LCN9: variants seen among roughly 807,000 people sequenced by gnomAD.
LCN9 encodes epididymal-specific lipocalin-9.
LCN9 carries 22 observed loss-of-function variants against 18.5 expected under a neutral mutation model. The ratio of observed to expected loss-of-function variants is 1.19; its 90% CI spans 0.85 to 1.70. The LOEUF (loss-of-function observed/expected upper bound fraction) is 1.70. Ranked by LOEUF, LCN9 falls within the 40% of genes most tolerant of loss-of-function variation. The probability of loss-of-function intolerance (pLI) is 0.00; values close to 1 mark genes in which losing one functional copy is unlikely to be tolerated. For missense variants in LCN9, 202 were observed against 201.3 expected (o/e 1.00, Z -0.02); for synonymous variants, 89 against 83.0 (o/e 1.07, Z -0.39).
rs1834172805 is a variant in LCN9, at chr9:135,664,041, G to A, written c.97-121G>A. ...GAGACCTGGGGGCACTGGAAGGGCG[G>A]AGGGGTTCTGGTTGGGAGCCAGATG... On this transcript the variant is annotated intron_variant, in intron 1 of 5. Coordinates refer to ENST00000619315, the Ensembl canonical transcript of LCN9. The surrounding 1 kb of genome is among the most constrained non-coding windows in gnomAD (Gnocchi z 4.5). 9.6e-7 allele frequency: 1 copy of A among 1,042,114 alleles called. No homozygotes were observed. Among genetic ancestry groups the A allele is most frequent in the South Asian group, 1.6e-5 (1 of 62,158 alleles). 64.6% of individuals were successfully genotyped at this position (1,042,114 alleles called of 1,614,324 possible).
chr9:135,666,380 C>T (rs1262592260), exon 6 of LCN9: 2 of 478,730 alleles, frequency 4.2e-6, no homozygotes, highest in African/African-American at 2.0e-5. Context: ...TCTAAGGACA[C>T]TTGTCATTGG....
Position 135,664,376 on chromosome 9 carries a change from A to T in LCN9, c.233+78A>T. ...CCAACGCATACTCTCACTCTTGCAC[A>T]CACACGCTCGCACACTCACTGACTT... On this transcript the variant is annotated intron_variant, in intron 2 of 5. Coordinates refer to ENST00000619315, the Ensembl canonical transcript of LCN9. This position sits in a 1 kb window ranked among gnomAD's most constrained non-coding sequence, Gnocchi z 4.5. The T allele has an allele frequency of 1.9e-6, 3 of 1,556,604 alleles. No individual in the cohort carries two copies. Among genetic ancestry groups the T allele is most frequent in the Non-Finnish European group, 2.6e-6 (3 of 1,135,986 alleles).
At chr9:135,666,335 C>T in exon 6 of LCN9, 1 of 577,638 alleles carries the variant, frequency 1.7e-6, no homozygotes, top group South Asian at 2.1e-5. Flanking sequence ...GTCACTCCAG[C>T]CTCTGCCTCT....
In LCN9 at chr9:135,665,486, C is replaced by A; in HGVS notation, c.418+131C>A. ...AGGTGGTTCCCGTTGGCTATTCCTT[C>A]CCACAGACACACCGTTAGGGTGCTG... On this transcript the variant is annotated intron_variant, in intron 4 of 5. Coordinates refer to ENST00000619315, the Ensembl canonical transcript of LCN9. The surrounding 1 kb of genome is among the most constrained non-coding windows in gnomAD (Gnocchi z 5.9). 1 of 842,302 alleles carries A rather than the reference C, an allele frequency of 1.2e-6. No individual in the cohort carries two copies. The highest frequency in any genetic ancestry group is 1.9e-6 in the Non-Finnish European group (1 of 521,842). The allele number at this position is 842,302 out of a possible 1,614,324, so 52.2% of individuals were successfully genotyped here.
rs774154708 is a variant in LCN9, at chr9:135,664,302, C to G, written c.233+4C>G. On this transcript the variant is annotated splice_donor_region_variant and intron_variant, in intron 2 of 5. Transcript: ENST00000619315. The surrounding 1 kb of genome is among the most constrained non-coding windows in gnomAD (Gnocchi z 4.5). Reference sequence around the variant, plus strand: ...TAATATTTGATTTCGAATACATGTGCGTGTTGCCCATCTCAGCTGGCATCA... The same window carrying G: ...TAATATTTGATTTCGAATACATGTGGGTGTTGCCCATCTCAGCTGGCATCA... 5.0e-6 allele frequency: 8 copies of G among 1,613,688 alleles called. No individual in the cohort carries two copies. Among genetic ancestry groups the G allele is most frequent in the Non-Finnish European group, 6.8e-6 (8 of 1,179,776 alleles).
At chr9:135,663,494 C>A in intron 1 of LCN9, 77 bp downstream of exon 1, 2 of 1,362,542 alleles carry the variant, frequency 1.5e-6, no homozygotes, top group Non-Finnish European at 2.1e-6. Flanking sequence ...GGGTCTCTGA[C>A]CTGTGACCAG....
chr9:135,663,429 T>G lies in LCN9; in HGVS notation c.96+12T>G. On this transcript the variant is annotated intron_variant, in intron 1 of 5. Coordinates refer to ENST00000619315, the Ensembl canonical transcript of LCN9. ...ACAACGTGGCCAGGGTGTGTCTGCG[T>G]TGGGGTCTGTGGGGAAGGGGCCAGG... 6.2e-7 allele frequency: 1 copy of G among 1,611,936 alleles called. No individual in the cohort carries two copies. The highest frequency in any genetic ancestry group is 8.5e-7 in the Non-Finnish European group (1 of 1,178,224).
chr9:135,664,046 GT>G lies in LCN9; in HGVS notation c.97-114del. The G allele has an allele frequency of 4.4e-6, 5 of 1,130,024 alleles. No homozygotes were observed. The highest frequency in any genetic ancestry group is 6.3e-6 in the Non-Finnish European group (5 of 799,056). 70.0% of individuals were successfully genotyped at this position (1,130,024 alleles called of 1,614,324 possible). A position where few individuals can be genotyped will look rare whatever the true frequency, so the allele number is the denominator to read the frequency against. On this transcript the variant is annotated intron_variant, in intron 1 of 5. Transcript: ENST00000619315. This position sits in a 1 kb window ranked among gnomAD's most constrained non-coding sequence, Gnocchi z 4.5. ...CTGGGGGCACTGGAAGGGCGGAGGG[GT>G]TCTGGTTGGGAGCCAGATGCTAAGG...
In LCN9 at chr9:135,665,010, G is replaced by A. The variant is rs560955334; in HGVS notation, c.307+215G>A. Among the ~76,000 whole-genome samples the A allele has an allele frequency of 2.5e-3, 379 of 152,258 alleles. 2 individuals carry two copies. Among genetic ancestry groups the A allele is most frequent in the African/African-American group, 8.7e-3 (360 of 41,558 alleles). On this transcript the variant is annotated intron_variant, in intron 3 of 5. Transcript: ENST00000619315. This position sits in a 1 kb window ranked among gnomAD's most constrained non-coding sequence, Gnocchi z 5.9. ...GGTGTGTCATGCTGAGCTCTGGGGG[G>A]TGAGCCCACTGAGGGGCCACCAGGG...
chr9:135,666,920 C>G (rs1296185683), exon 6 of LCN9, among the ~76,000 whole-genome samples: 1 of 152,066 alleles, frequency 6.6e-6, no homozygotes, highest in East Asian at 1.9e-4. Context: ...GCCTGCGCCC[C>G]CGCCTCCATG....
Position 135,665,410 on chromosome 9 carries a change from C to T in LCN9, c.418+55C>T, listed in dbSNP as rs492708. The stretch of plus-strand genomic sequence containing the variant: ...CGGGGACCCCACCTCCTCTGAAGTC[C>T]GGCCCAACCCTGGGCGGAGGAGGGT... On this transcript the variant is annotated intron_variant, in intron 4 of 5. Transcript: ENST00000619315. This position sits in a 1 kb window ranked among gnomAD's most constrained non-coding sequence, Gnocchi z 5.9. The T allele has an allele frequency of 0.95, 1,348,256 of 1,412,500 alleles. 643,586 individuals carry two copies. The highest frequency in any genetic ancestry group is 1 in the East Asian group (40,219 of 40,228). The allele number at this position is 1,412,500 out of a possible 1,614,324, so 87.5% of individuals were successfully genotyped here.
Position 135,664,150 on chromosome 9 carries a change from C to CTT in LCN9, c.97-10_97-9dup. 6.2e-7 allele frequency: 1 copy of CTT among 1,612,670 alleles called. No individual in the cohort carries two copies. On this transcript the variant is annotated splice_polypyrimidine_tract_variant and intron_variant, in intron 1 of 5. Transcript: ENST00000619315. The surrounding 1 kb of genome is among the most constrained non-coding windows in gnomAD (Gnocchi z 4.5). ...CCGCGGCCCCCCACCCACTGGAGCT[C>CTT]TTTGTCTTCAGGTTTCAGGGGTCTG...
Position 135,664,116 on chromosome 9 carries a change from A to G in LCN9, c.97-46A>G. The G allele has an allele frequency of 6.2e-7, 1 of 1,607,178 alleles. No homozygotes were observed. The highest frequency in any genetic ancestry group is 1.1e-5 in the South Asian group (1 of 90,508). On this transcript the variant is annotated intron_variant, in intron 1 of 5. Coordinates refer to ENST00000619315, the Ensembl canonical transcript of LCN9. This position sits in a 1 kb window ranked among gnomAD's most constrained non-coding sequence, Gnocchi z 4.5. ...AAGACTGTGGGCGCTAAGCATCCCC[A>G]GGGCTGTCCCGCGGCCCCCCACCCA...
chr9:135,664,703 C>T lies in LCN9; in HGVS notation c.234-19C>T. 6.4e-7 allele frequency: 1 copy of T among 1,568,056 alleles called. No individual in the cohort carries two copies. The stretch of plus-strand genomic sequence containing the variant: ...GGGGCTGGAGCTCCACTCCCGGCAT[C>T]TTCCTGGCTGGCTTCCAGGGTGCAG... On this transcript the variant is annotated intron_variant, in intron 2 of 5. Coordinates refer to ENST00000619315, the Ensembl canonical transcript of LCN9. The surrounding 1 kb of genome is among the most constrained non-coding windows in gnomAD (Gnocchi z 4.5).
chr9:135,666,796 C>A (rs1211529702), exon 6 of LCN9, among the ~76,000 whole-genome samples: 1 of 149,138 alleles, frequency 6.7e-6, no homozygotes, highest in African/African-American at 2.5e-5. Context: ...CCTCCCCTCG[C>A]TGACCTTCCC....
In LCN9 at chr9:135,663,375, C is replaced by T. The variant is rs183281614; in HGVS notation, c.54C>T (p.Phe18=). The T allele has an allele frequency of 7.7e-4, 1,237 of 1,613,926 alleles. 1 individual carries two copies. The highest frequency in any genetic ancestry group is 1.2e-3 in the Admixed American group (75 of 60,026). ...TGAGCCTCATCGCAGCCCAGGAGTT[C>T]GATCCCCACACCGTTATGCAGAGGA... Residue 18 remains phenylalanine (F), a synonymous_variant, in exon 1 of 6, where the codon TTC becomes TTT. Coordinates refer to ENST00000619315, the Ensembl canonical transcript of LCN9.
chr9:135,666,086 G>A (rs968982126), exon 6 of LCN9: 2 of 1,599,342 alleles, frequency 1.3e-6, no homozygotes, highest in Non-Finnish European at 1.7e-6. Flanking sequence ...GCAGTGATGG[G>A]GCCTTCCAGG....
At chr9:135,663,377 A>G (rs1466076795) in exon 1 of LCN9, 1 of 1,613,772 alleles carries the variant, frequency 6.2e-7, no homozygotes, top group East Asian at 2.2e-5. Flanking sequence ...CAGGAGTTCG[A>G]TCCCCACACC....
Position 135,665,810 on chromosome 9 carries a change from G to A in LCN9, c.*10-51G>A, listed in dbSNP as rs1834210294. 4 of 1,611,954 alleles carry A rather than the reference G, an allele frequency of 2.5e-6. No individual in the cohort carries two copies. The highest frequency in any genetic ancestry group is 3.4e-6 in the Non-Finnish European group (4 of 1,178,994). On this transcript the variant is annotated intron_variant, in intron 5 of 5. Coordinates refer to ENST00000619315, the Ensembl canonical transcript of LCN9. This position sits in a 1 kb window ranked among gnomAD's most constrained non-coding sequence, Gnocchi z 5.9. Reference sequence around the variant, plus strand: ...CCGGGACAGGGTGGGGATGGGAGGTGTGCCTGCGGGGTCCCTGTCCCTGCG... The same window carrying A: ...CCGGGACAGGGTGGGGATGGGAGGTATGCCTGCGGGGTCCCTGTCCCTGCG...
Sources: allele counts gnomAD v4.1 joint callset (sites outside exome capture counted in the v4.1 genomes callset), GRCh38; gene constraint gnomAD v4.1.1; non-coding constraint Gnocchi (gnomAD v3.1); transcripts MANE v1.5; gene names NCBI Gene and HGNC (gene_info 2026-07-23, HGNC 2026-07-21).